The following LAMP1 variants were observed in gnomAD, a reference collection of about 807,000 sequenced individuals.
The protein encoded by LAMP1 is lysosome-associated membrane glycoprotein 1.
In LAMP1, 7 loss-of-function variants were observed where a neutral mutation model predicts 37.5. The ratio of observed to expected loss-of-function variants is 0.19; its 90% CI spans 0.11 to 0.35. The LOEUF (loss-of-function observed/expected upper bound fraction) is 0.35. Ranked by LOEUF, LAMP1 falls within the 10% of genes least tolerant of loss-of-function variation. LAMP1 has a pLI of 1.00. For synonymous variants in LAMP1, 236 were observed against 229.1 expected (o/e 1.03, Z -0.27); for missense variants, 537 against 552.8 (o/e 0.97, Z 0.29).
intron 4 of LAMP1, among the ~76,000 whole-genome samples, chr13:113,311,132 C>T (rs1332786746): frequency 1.3e-5 from 2 of 151,552 alleles, no homozygotes; most frequent in Non-Finnish European, 2.9e-5. Context: ...TGTGGTCTCC[C>T]GTGGGAGCTA....
Position 113,321,021 on chromosome 13 carries a change from A to G in LAMP1, c.877-383A>G. On this transcript the variant is annotated intron_variant, in intron 6 of 8. Coordinates refer to ENST00000332556, the MANE Select transcript of LAMP1 (RefSeq NM_005561.4). The surrounding 1 kb of genome is among the most constrained non-coding windows in gnomAD (Gnocchi z 5.6). ...ACAGGGAGGCTCCATTTCTGCAAAT[A>G]ATAAAACGAGTTAGCTGGGCGTAGT... The G allele has an allele frequency of 3.5e-6, 1 of 284,252 alleles. No individual in the cohort carries two copies. Among genetic ancestry groups the G allele is most frequent in the Non-Finnish European group, 6.8e-6 (1 of 147,296 alleles). 17.6% of individuals were successfully genotyped at this position (284,252 alleles called of 1,614,324 possible). A position where few individuals can be genotyped will look rare whatever the true frequency, so the allele number is the denominator to read the frequency against.
chr13:113,297,456 C>T lies in LAMP1; in HGVS notation c.22C>T (p.Arg8Trp), dbSNP rs1323369063. Reference protein sequence around the residue: MAAPGSARRPLLLLLLLL... With the variant: MAAPGSAWRPLLLLLLLL... Reference sequence around the variant, plus strand: ...CGCCATGGCGGCCCCCGGCAGCGCCCGGCGACCCCTGCTGCTGCTACTGCT... The same window carrying T: ...CGCCATGGCGGCCCCCGGCAGCGCCTGGCGACCCCTGCTGCTGCTACTGCT... Residue 8 changes from arginine (R) to tryptophan (W), a missense_variant, in exon 1 of 9, where the codon CGG (arginine) becomes TGG (tryptophan). Arg to Trp is a moderately radical substitution (Grantham distance 101). Transcript: ENST00000332556. This position sits in a 1 kb window ranked among gnomAD's most constrained non-coding sequence, Gnocchi z 4.4. 7 of 1,180,738 alleles carry T rather than the reference C, an allele frequency of 5.9e-6. No homozygotes were observed. Among genetic ancestry groups the T allele is most frequent in the East Asian group, 3.2e-5 (1 of 31,630 alleles). The allele number at this position is 1,180,738 out of a possible 1,614,324, so 73.1% of individuals were successfully genotyped here.
At position 113,318,196 on chromosome 13, in the gene LAMP1, CTGTG is replaced by C. The variant is rs764237081; in HGVS notation, c.563-1267_563-1264del. On this transcript the variant is annotated intron_variant, in intron 4 of 8. Coordinates refer to ENST00000332556, the MANE Select transcript of LAMP1 (RefSeq NM_005561.4). ...TTTACACCGGGGTGCGGGGGCACTCCTGTGTGTGTCTCAGAACCCGTTGGGGTGC... is the reference window on the plus strand; with the variant it reads ...TTTACACCGGGGTGCGGGGGCACTCCTGTGTCTCAGAACCCGTTGGGGTGC... 4.7e-4 allele frequency among the ~76,000 whole-genome samples: 71 copies of C among 152,224 alleles called. 1 individual carries two copies. Among genetic ancestry groups the C allele is most frequent in the Admixed American group, 1.8e-3 (27 of 15,286 alleles).
Position 113,321,654 on chromosome 13 carries a change from G to A in LAMP1, c.1041G>A (p.Thr347=), listed in dbSNP as rs376013627. 2.9e-5 allele frequency: 47 copies of A among 1,614,248 alleles called. No individual in the cohort carries two copies. In the Middle Eastern group the frequency reaches 6.6e-4, roughly 23 times the overall value. Residue 347 remains threonine (T), a synonymous_variant, in exon 8 of 9, where the codon ACG becomes ACA. Coordinates refer to ENST00000332556, the MANE Select transcript of LAMP1 (RefSeq NM_005561.4). The surrounding 1 kb of genome is among the most constrained non-coding windows in gnomAD (Gnocchi z 5.6). ...KCNAEEHVRV[T]KAFSVNIFKV... is the part of the protein sequence containing the mutation. ...ACGCGGAGGAGCACGTCCGTGTCAC[G>A]AAGGCGTTTTCAGTCAATATATTCA...
rs776655908 is a variant in LAMP1 at position 113,306,485 on chromosome 13, G to C, written c.62G>C (p.Gly21Ala). The C allele has an allele frequency of 6.2e-7, 1 of 1,613,426 alleles. No homozygotes were observed. Among genetic ancestry groups the C allele is most frequent in the African/African-American group, 1.3e-5 (1 of 74,864 alleles). Residue 21 changes from glycine (G) to alanine (A), a missense_variant and splice_region_variant, in exon 2 of 9, where the codon GGC becomes GCC. Coordinates refer to ENST00000332556, the MANE Select transcript of LAMP1 (RefSeq NM_005561.4). ...TCTCCGTCTTCCCTGGAATTGACAG[G>C]CCTCATGCATTGTGCGTCAGCAGCA... ...LLLLLLLLLL[G>A]LMHCASAAMF...
intron 4 of LAMP1, among the ~76,000 whole-genome samples, chr13:113,313,086 A>T (rs190651971): frequency 6.6e-6 from 1 of 152,216 alleles, no homozygotes; most frequent in Admixed American, 6.5e-5. Context: ...CTAGGCCTGG[A>T]CACGGTTGCA....
At chr13:113,303,968 C>G (rs1031686129) in intron 1 of LAMP1, among the ~76,000 whole-genome samples, 1 of 152,004 alleles carries the variant, frequency 6.6e-6, no homozygotes, top group African/African-American at 2.4e-5. Flanking sequence ...ACCTGTAGTC[C>G]CAGCTACTCA....
Position 113,306,697 on chromosome 13 carries a change from T to TCTGAA in LAMP1, c.183+93_183+97dup, listed in dbSNP as rs144146519. 0.012 allele frequency: 17,550 copies of TCTGAA among 1,435,956 alleles called. 1,215 individuals are homozygous for TCTGAA. In the African/African-American group the frequency reaches 0.17, roughly 14 times the overall value. The allele number at this position is 1,435,956 out of a possible 1,614,324, so 89.0% of individuals were successfully genotyped here. A position where few individuals can be genotyped will look rare whatever the true frequency, so the allele number is the denominator to read the frequency against. On this transcript the variant is annotated intron_variant, in intron 2 of 8. Transcript: ENST00000332556. ...ACCAAGTCTTTGAAAAATGGCCCCA[T>TCTGAA]CTGAACATGGTGCTTTTCCTATCTG... is the stretch of plus-strand genomic sequence containing the variant.
At chr13:113,307,197 G>A (rs1355536220) in intron 2 of LAMP1, among the ~76,000 whole-genome samples, 5 of 126,798 alleles carry the variant, frequency 3.9e-5, no homozygotes, top group East Asian at 4.8e-4. Flanking sequence ...TTGGTTTGTC[G>A]CCCAGGCTGG....
At chr13:113,300,848 C>T (rs1358607301) in intron 1 of LAMP1, among the ~76,000 whole-genome samples, 1 of 152,002 alleles carries the variant, frequency 6.6e-6, no homozygotes, top group Non-Finnish European at 1.5e-5. Flanking sequence ...TTTCTACTAA[C>T]CGATGTTACC....
At chr13:113,303,892 A>G (rs2042585804) in intron 1 of LAMP1, among the ~76,000 whole-genome samples, 2 of 152,162 alleles carry the variant, frequency 1.3e-5, no homozygotes, top group Non-Finnish European at 2.9e-5. Flanking sequence ...CCTGGCCAAC[A>G]TGGCAAAACC....
In LAMP1 at chr13:113,320,725, G is replaced by A. The variant is rs183324296; in HGVS notation, c.876+255G>A. Reference sequence around the variant, plus strand: ...GGCTGCAGGGGAGGGCATGCAGGCCGTGCGGCCTTCTGGCTTCAGATGCTG... The same window carrying A: ...GGCTGCAGGGGAGGGCATGCAGGCCATGCGGCCTTCTGGCTTCAGATGCTG... On this transcript the variant is annotated intron_variant, in intron 6 of 8. Transcript: ENST00000332556. The surrounding 1 kb of genome is among the most constrained non-coding windows in gnomAD (Gnocchi z 4.4). 13 of 484,452 alleles carry A rather than the reference G, an allele frequency of 2.7e-5. No homozygotes were observed. The highest frequency in any genetic ancestry group is 5.7e-5 in the African/African-American group (3 of 52,264). 30.0% of individuals were successfully genotyped at this position (484,452 alleles called of 1,614,324 possible).
intron 8 of LAMP1, 195 bp from the exon 9 acceptor site, chr13:113,322,087 G>T: frequency 1.6e-6 from 1 of 626,206 alleles, no homozygotes; most frequent in East Asian, 2.7e-5. Flanking sequence ...GGAGAGACGT[G>T]TGTGGTTTCC....
intron 4 of LAMP1, among the ~76,000 whole-genome samples, chr13:113,313,394 T>C (rs1291446040): frequency 6.6e-6 from 1 of 152,218 alleles, no homozygotes; most frequent in East Asian, 1.9e-4. Flanking sequence ...TGTACAGCCT[T>C]CCTCTGTGTC....
intron 4 of LAMP1, among the ~76,000 whole-genome samples, chr13:113,312,929 A>C (rs1014471107): frequency 5.3e-5 from 8 of 152,100 alleles, no homozygotes; most frequent in African/African-American, 1.9e-4. Context: ...ATCGATTTCC[A>C]AATTATCTGG....
Position 113,320,405 on chromosome 13 carries a change from G to A in LAMP1, c.811G>A (p.Ala271Thr), listed in dbSNP as rs765876942. ...GACCTCGGCCAGCGGGAGCTGCGGC[G>A]CCCACCTGGTGACTCTGGAGCTGCA... ...NKTSASGSCGAHLVTLELHSE... is the reference protein window; with the variant it reads ...NKTSASGSCGTHLVTLELHSE... The change falls in exon 6 of 9, where the codon GCC becomes ACC. Residue 271 changes from alanine to threonine, a missense_variant. By Grantham distance (58) the Ala-to-Thr change is moderately conservative (BLOSUM62 0). Coordinates refer to ENST00000332556, the MANE Select transcript of LAMP1 (RefSeq NM_005561.4). The surrounding 1 kb of genome is among the most constrained non-coding windows in gnomAD (Gnocchi z 4.4). 38 of 1,612,732 alleles carry A rather than the reference G, an allele frequency of 2.4e-5. No individual in the cohort carries two copies. The highest frequency in any genetic ancestry group is 1.6e-4 in the Middle Eastern group (1 of 6,084).
intron 3 of LAMP1, 77 bp from the exon 4 acceptor site, chr13:113,310,632 C>T: frequency 8.8e-7 from 1 of 1,142,114 alleles, no homozygotes; most frequent in South Asian, 1.8e-5. Flanking sequence ...TAACTGACAT[C>T]AGGGCTAAAA....
At chr13:113,311,083 A>C (rs1278957559) in intron 4 of LAMP1, among the ~76,000 whole-genome samples, 1 of 151,982 alleles carries the variant, frequency 6.6e-6, no homozygotes, top group Non-Finnish European at 1.5e-5. Context: ...AAAGGGTGGA[A>C]TATTGAAGTG....
At chr13:113,299,635 C>G (rs1010368819) in intron 1 of LAMP1, among the ~76,000 whole-genome samples, 1 of 147,602 alleles carries the variant, frequency 6.8e-6, no homozygotes, top group Non-Finnish European at 1.5e-5. Flanking sequence ...GTGGCGTGAT[C>G]TCCGTTCACT....
Sources: allele counts gnomAD v4.1 joint callset (sites outside exome capture counted in the v4.1 genomes callset), GRCh38; gene constraint gnomAD v4.1.1; non-coding constraint Gnocchi (gnomAD v3.1); transcripts MANE v1.5; gene names NCBI Gene and HGNC (gene_info 2026-07-23, HGNC 2026-07-21).